The following SARDH variants were observed in gnomAD, a reference collection of about 807,000 sequenced individuals.
SARDH encodes the protein sarcosine dehydrogenase, also known as sarcosine dehydrogenase, mitochondrial.
In SARDH, 95 loss-of-function variants were observed where a neutral mutation model predicts 109.1. The observed-to-expected ratio is 0.87, with a 90% CI of 0.74 to 1.03. The LOEUF is 1.03. Among genes scored for constraint, SARDH ranks in the 50% least tolerant of loss-of-function variants. The probability of loss-of-function intolerance (pLI) is 0.00; values close to 1 mark genes in which losing one functional copy is unlikely to be tolerated. For synonymous variants in SARDH, 572 were observed against 534.8 expected (o/e 1.07, Z -0.96); for missense variants, 1,267 against 1,287.8 (o/e 0.98, Z 0.25).
At chr9:133,715,601 A>C (rs1832090397) in intron 8 of SARDH, among the ~76,000 whole-genome samples, 1 of 152,110 alleles carries the variant, frequency 6.6e-6, no homozygotes, top group Admixed American at 6.5e-5. Context: ...GCCAGGACAG[A>C]GGGGGCTGGA....
At chr9:133,720,672 A>T (rs559097161) in intron 6 of SARDH, among the ~76,000 whole-genome samples, 2 of 152,048 alleles carry the variant, frequency 1.3e-5, no homozygotes, top group East Asian at 3.9e-4. Flanking sequence ...GTGCAGGGGA[A>T]CTCCCTTTAT....
intron 8 of SARDH, among the ~76,000 whole-genome samples, chr9:133,717,083 G>A (rs980462296): frequency 6.6e-6 from 1 of 152,210 alleles, no homozygotes; most frequent in Admixed American, 6.5e-5. Flanking sequence ...TGAGGCAGGA[G>A]GAGGCCCTGG....
At chr9:133,687,425 C>T (rs1830924229) in intron 16 of SARDH, among the ~76,000 whole-genome samples, 1 of 152,162 alleles carries the variant, frequency 6.6e-6, no homozygotes, top group Non-Finnish European at 1.5e-5. Context: ...TGTGCACCAC[C>T]GTGCTGAGCT....
At chr9:133,730,433 C>A (rs1832637616) in intron 4 of SARDH, among the ~76,000 whole-genome samples, 1 of 149,082 alleles carries the variant, frequency 6.7e-6, no homozygotes. Context: ...GGGGGGAACC[C>A]TCTTTTCATA....
At position 133,718,980 on chromosome 9, in the gene SARDH, C is replaced by G; in HGVS notation, c.978G>C (p.Leu326Phe). The G allele has an allele frequency of 6.2e-7, 1 of 1,614,210 alleles. No homozygotes were observed. The highest frequency in any genetic ancestry group is 8.5e-7 in the Non-Finnish European group (1 of 1,180,030). Residue 326 changes from leucine (L) to phenylalanine (F), a missense_variant, in exon 7 of 21, where the codon TTG (leucine) becomes TTC (phenylalanine). Leu to Phe is a conservative substitution (Grantham distance 22). Transcript: ENST00000439388. This position sits in a 1 kb window ranked among gnomAD's most constrained non-coding sequence, Gnocchi z 4.2. The part of the protein sequence containing the change: ...SVYLRLQGDA[L>F]SVGGYEANPI... Reference sequence around the variant, plus strand: ...GGTTGGCCTCATAGCCACCCACAGACAAGGCATCCCCTTGGAGGCGGAGGT... The same window carrying G: ...GGTTGGCCTCATAGCCACCCACAGAGAAGGCATCCCCTTGGAGGCGGAGGT...
intron 6 of SARDH, among the ~76,000 whole-genome samples, chr9:133,724,625 A>G (rs1457713085): frequency 6.6e-6 from 1 of 152,240 alleles, no homozygotes; most frequent in African/African-American, 2.4e-5. Context: ...GAAATGTTAA[A>G]TAGAGTTACC....
chr9:133,670,365 C>G (rs1236995075), intron 19 of SARDH, among the ~76,000 whole-genome samples: 1 of 151,982 alleles, frequency 6.6e-6, no homozygotes, highest in Non-Finnish European at 1.5e-5. Flanking sequence ...ACTCTCTCTG[C>G]CTTTCTGCCT....
Position 133,696,221 on chromosome 9 carries a change from A to G in SARDH, c.1807+2T>C. 6.2e-7 allele frequency: 1 copy of G among 1,613,742 alleles called. No individual in the cohort carries two copies. The highest frequency in any genetic ancestry group is 1.1e-5 in the South Asian group (1 of 91,078). On this transcript the variant is annotated splice_donor_variant, in intron 14 of 20. Transcript: ENST00000439388. LOFTEE classifies it high-confidence loss of function. ...CATGCCCCCCAACCTCAGGCTCCAT[A>G]CCTGGGGGTCGGCTGACATCTGCGG...
chr9:133,739,286 T>A (rs1832984119), upstream of SARDH, among the ~76,000 whole-genome samples: 1 of 152,190 alleles, frequency 6.6e-6, no homozygotes, highest in Non-Finnish European at 1.5e-5. Flanking sequence ...CCGGAAGCGA[T>A]CGTATAGTAA....
intron 17 of SARDH, among the ~76,000 whole-genome samples, chr9:133,684,274 G>C (rs567807440): frequency 4.6e-5 from 7 of 152,244 alleles, no homozygotes; most frequent in Non-Finnish European, 1.0e-4. Context: ...GTGTCACACA[G>C]GAGGGCCCTC....
intron 6 of SARDH, among the ~76,000 whole-genome samples, chr9:133,720,856 G>A (rs1187589326): frequency 6.6e-6 from 1 of 152,182 alleles, no homozygotes; most frequent in Non-Finnish European, 1.5e-5. Flanking sequence ...GACAGACAGT[G>A]CTATGAGAAA....
intron 11 of SARDH, among the ~76,000 whole-genome samples, chr9:133,707,718 G>A (rs1221165256): frequency 6.6e-6 from 1 of 152,180 alleles, no homozygotes; most frequent in African/African-American, 2.4e-5. Context: ...AGGGAGAGGG[G>A]GAAGGAATGG....
intron 1 of SARDH, among the ~76,000 whole-genome samples, chr9:133,737,772 G>C (rs1832933572): frequency 6.6e-6 from 1 of 152,198 alleles, no homozygotes; most frequent in Admixed American, 6.5e-5. Flanking sequence ...AGCCCCTCCT[G>C]CCTGCCACCT....
chr9:133,734,159 G>T lies in SARDH; in HGVS notation c.15C>A (p.Ser5Arg), dbSNP rs867235702. ...GGGCAGCAGCCACACGTAGGGCTCG[G>T]CTCAGTGAGGCCATGGGGGCTCCAG... MASL[S>R]RALRVAAAHP... Residue 5 changes from serine (S) to arginine (R), a missense_variant, in exon 2 of 21, where the codon AGC (serine) becomes AGA (arginine). Ser to Arg is a moderately radical substitution (Grantham distance 110). Transcript: ENST00000439388. The T allele has an allele frequency of 2.5e-6, 4 of 1,595,142 alleles. No individual in the cohort carries two copies. In the African/African-American group the frequency reaches 5.3e-5, roughly 21 times the overall value.
At chr9:133,664,057 G>C (rs755666213) in intron 20 of SARDH, 43 bp from the exon 21 acceptor site, 2 of 1,603,104 alleles carry the variant, frequency 1.2e-6, no homozygotes, top group Admixed American at 1.7e-5. Flanking sequence ...CTGTTGGTAG[G>C]TACAGGGCTC....
chr9:133,735,860 A>C (rs1047093882), intron 1 of SARDH, among the ~76,000 whole-genome samples: 1 of 147,228 alleles, frequency 6.8e-6, no homozygotes, highest in East Asian at 2.0e-4. Flanking sequence ...CCTGACCAAC[A>C]TGGAGAAACC....
intron 4 of SARDH, among the ~76,000 whole-genome samples, chr9:133,730,766 A>C (rs1025345585): frequency 5.3e-5 from 8 of 152,054 alleles, no homozygotes; most frequent in African/African-American, 1.9e-4. Flanking sequence ...TCACGAGGTC[A>C]GGAGATCAAG....
intron 17 of SARDH, among the ~76,000 whole-genome samples, chr9:133,681,177 G>A (rs949571208): frequency 9.2e-5 from 14 of 152,222 alleles, no homozygotes; most frequent in Non-Finnish European, 8.8e-5. Flanking sequence ...GGGGCTGGGA[G>A]GTGTCAGGAT....
intron 3 of SARDH, 29 bp downstream of exon 3, chr9:133,732,394 C>G: frequency 1.3e-6 from 2 of 1,548,738 alleles, no homozygotes; most frequent in Non-Finnish European, 1.8e-6. Flanking sequence ...CCAAGCCCCC[C>G]TCCTTGCCCC....
Sources: gnomAD v4.1 joint callset for allele counts (sites outside exome capture counted in the v4.1 genomes callset) on GRCh38, gnomAD v4.1.1 for gene constraint, Gnocchi (gnomAD v3.1) non-coding constraint, MANE v1.5 for transcripts, NCBI Gene and HGNC (gene_info 2026-07-23, HGNC 2026-07-21) for gene names.